Variants in ZNF638 observed in about 807,000 individuals in gnomAD.
ZNF638 encodes the protein zinc finger protein 638, also known as CTCL tumor antigen se33-1.
A neutral mutation model predicts 195.6 loss-of-function variants in ZNF638; 46 were observed. The observed-to-expected ratio is 0.24, with a 90% CI of 0.19 to 0.30. ZNF638 has a LOEUF of 0.30. ZNF638 is among the 10% of genes least tolerant of loss of function. The pLI is 1.00. For synonymous variants in ZNF638, 845 were observed against 772.0 expected (o/e 1.09, Z -1.57); for missense variants, 2,440 against 2,325.3 (o/e 1.05, Z -1.01).
In ZNF638 at chr2:71,362,313, C is replaced by T. The variant is rs1306673824; in HGVS notation, c.1380-840C>T. 3.9e-5 allele frequency among the ~76,000 whole-genome samples: 6 copies of T among 152,218 alleles called. No homozygotes were observed. In the East Asian group the frequency reaches 5.8e-4, roughly 15 times the overall value. ...AGTCTCACTCTTAGGGCTATAATTGCGGCTTCTACATGCCTGATTTCTAAA... is the reference window on the plus strand; with the variant it reads ...AGTCTCACTCTTAGGGCTATAATTGTGGCTTCTACATGCCTGATTTCTAAA... On this transcript the variant is annotated intron_variant, in intron 3 of 27. Coordinates refer to ENST00000264447, the MANE Select transcript of ZNF638 (RefSeq NM_014497.5).
chr2:71,332,928 T>C (rs563251436), intron 1 of ZNF638: 1 of 152,336 alleles, frequency 6.6e-6, no homozygotes, highest in Non-Finnish European at 1.5e-5. Flanking sequence ...AAGTACTTTT[T>C]CCAACGAGCT....
In ZNF638 at chr2:71,402,069, T is replaced by G. The variant is rs1268433198; in HGVS notation, c.2811T>G (p.Ile937Met). The change falls in exon 16 of 28, where the codon ATT (isoleucine) becomes ATG (methionine). Residue 937 changes from isoleucine (I) to methionine (M), a missense_variant. Transcript: ENST00000264447. The part of the protein sequence containing the change: ...KPFGGLKDIL[I>M]LSSHKKAYIE... ...TTGGTGGTTTAAAGGATATCTTGAT[T>G]TTATCATCTCATAAAAAGGTAAGAG... The G allele has an allele frequency of 6.2e-7, 1 of 1,606,328 alleles. No homozygotes were observed. Among genetic ancestry groups the G allele is most frequent in the Non-Finnish European group, 8.5e-7 (1 of 1,176,186 alleles).
intron 3 of ZNF638, among the ~76,000 whole-genome samples, chr2:71,356,184 T>C (rs1249643141): frequency 1.3e-5 from 2 of 152,220 alleles, no homozygotes; most frequent in African/African-American, 2.4e-5. Context: ...CTTCTCTGAC[T>C]TAGAACCAGT....
At chr2:71,402,450 T>C (rs1412115674) in intron 16 of ZNF638, among the ~76,000 whole-genome samples, 1 of 152,146 alleles carries the variant, frequency 6.6e-6, no homozygotes, top group African/African-American at 2.4e-5. Context: ...TACATAAGTA[T>C]ATATATGAGA....
chr2:71,408,021 C>T, intron 19 of ZNF638, 101 bp from the exon 20 acceptor site: 1 of 1,084,626 alleles, frequency 9.2e-7, no homozygotes. Flanking sequence ...GCTTTCATTC[C>T]TTTTAGGTGT....
chr2:71,405,757 A>T, intron 18 of ZNF638, 115 bp downstream of exon 18: 1 of 762,584 alleles, frequency 1.3e-6, no homozygotes, highest in Non-Finnish European at 2.1e-6. Flanking sequence ...TATTGAGGTG[A>T]TGGAGATGTC....
Position 71,349,642 on chromosome 2 carries a change from G to A in ZNF638, c.688G>A (p.Asp230Asn), listed in dbSNP as rs1361222831. Residue 230 changes from aspartate to asparagine, a missense_variant, in exon 2 of 28, where the codon GAT (aspartate) becomes AAT (asparagine). Physicochemically the swap from Asp to Asn is conservative, Grantham distance 23 (BLOSUM62 1). Transcript: ENST00000264447. Reference sequence around the variant, plus strand: ...AGATCCACTTGAAGTACGTATTTATGATCCTGAAATTCCAACTGATGAGGT... The same window carrying A: ...AGATCCACTTGAAGTACGTATTTATAATCCTGAAATTCCAACTGATGAGGT... Reference protein sequence around the residue: ...TEDPLEVRIYDPEIPTDEVEN... With the variant: ...TEDPLEVRIYNPEIPTDEVEN... 1 of 1,614,210 alleles carries A rather than the reference G, an allele frequency of 6.2e-7. No individual in the cohort carries two copies. The highest frequency in any genetic ancestry group is 1.1e-5 in the South Asian group (1 of 91,080).
Position 71,423,912 on chromosome 2 carries a change from A to G in ZNF638, c.4398A>G (p.Gly1466=). ...FKPTQSSLTR[G]GSGRISALQG... The stretch of plus-strand genomic sequence containing the variant: ...CTACTCAGAGCAGTCTTACCAGAGG[A>G]GGCAGTGGAAGGATCTCAGCCCTGC... Residue 1466 remains glycine, a synonymous_variant, in exon 22 of 28, where the codon GGA becomes GGG. Coordinates refer to ENST00000264447, the MANE Select transcript of ZNF638 (RefSeq NM_014497.5). 1.2e-6 allele frequency: 2 copies of G among 1,614,020 alleles called. No individual in the cohort carries two copies. Among genetic ancestry groups the G allele is most frequent in the South Asian group, 1.1e-5 (1 of 91,082 alleles).
rs1038503966 is a variant in ZNF638 at position 71,342,369 on chromosome 2, C to T, written c.-202-6384C>T. Among the ~76,000 whole-genome samples the T allele has an allele frequency of 2.0e-5, 3 of 151,974 alleles. No individual in the cohort carries two copies. The East Asian group carries it at 5.8e-4, about 29-fold the overall frequency. On this transcript the variant is annotated intron_variant, in intron 1 of 27. Coordinates refer to ENST00000264447, the MANE Select transcript of ZNF638 (RefSeq NM_014497.5). ...TACGTGTCTTGCTTCATCAAATTCCCTTCATCTACCACCACCACCGCCCCT... is the reference window on the plus strand; with the variant it reads ...TACGTGTCTTGCTTCATCAAATTCCTTTCATCTACCACCACCACCGCCCCT...
chr2:71,334,836 G>A (rs549388007), intron 1 of ZNF638, among the ~76,000 whole-genome samples: 53 of 152,076 alleles, frequency 3.5e-4, no homozygotes, highest in African/African-American at 1.3e-3. Flanking sequence ...CAGGAGAATG[G>A]CGTGAACCCG....
At chr2:71,424,490 T>G (rs1456552316) in intron 22 of ZNF638, among the ~76,000 whole-genome samples, 160 bp from the exon 23 acceptor site, 6 of 152,180 alleles carry the variant, frequency 3.9e-5, no homozygotes, top group African/African-American at 1.2e-4. Flanking sequence ...TACTGTTTAG[T>G]GACTGTTGAC....
intron 11 of ZNF638, among the ~76,000 whole-genome samples, chr2:71,396,599 A>G (rs1573115250): frequency 6.6e-6 from 1 of 152,268 alleles, no homozygotes; most frequent in Middle Eastern, 3.4e-3. Flanking sequence ...GTTCTGCTAA[A>G]TCCTGATTAA....
chr2:71,369,643 G>T (rs1189089306), intron 7 of ZNF638, among the ~76,000 whole-genome samples: 1 of 152,206 alleles, frequency 6.6e-6, no homozygotes, highest in Middle Eastern at 3.4e-3. Context: ...CCATGAGCCT[G>T]CCTGGATTTT....
At chr2:71,434,610 A>G in intron 27 of ZNF638, 132 bp from the exon 28 acceptor site, 2 of 709,788 alleles carry the variant, frequency 2.8e-6, no homozygotes, top group Non-Finnish European at 4.6e-6. Context: ...AGAAATGGTT[A>G]TATAAGGCAC....
At chr2:71,388,988 C>G (rs1180902356) in intron 10 of ZNF638, among the ~76,000 whole-genome samples, 2 of 152,110 alleles carry the variant, frequency 1.3e-5, no homozygotes, top group South Asian at 2.1e-4. Context: ...TTAAACAATA[C>G]CATAAACAAG....
Position 71,363,658 on chromosome 2 carries a change from A to G in ZNF638, c.1419-296A>G. ...ACATAATTTAATACTTTAAAAACATAATTGGAATAATGTTGGTACAGGAAA... is the reference window on the plus strand; with the variant it reads ...ACATAATTTAATACTTTAAAAACATGATTGGAATAATGTTGGTACAGGAAA... On this transcript the variant is annotated intron_variant, in intron 4 of 27. Coordinates refer to ENST00000264447, the MANE Select transcript of ZNF638 (RefSeq NM_014497.5). 1.3e-5 allele frequency among the ~76,000 whole-genome samples: 2 copies of G among 152,214 alleles called. 1 individual carries two copies. Among genetic ancestry groups the G allele is most frequent in the Non-Finnish European group, 2.9e-5 (2 of 68,024 alleles).
At chr2:71,418,352 T>C (rs1485216287) in intron 20 of ZNF638, 1 of 299,916 alleles carries the variant, frequency 3.3e-6, no homozygotes, top group Non-Finnish European at 6.0e-6. Context: ...AAGTTTCTTA[T>C]TTATATCATT....
intron 1 of ZNF638, among the ~76,000 whole-genome samples, chr2:71,335,621 A>G (rs764863017): frequency 6.6e-6 from 1 of 152,210 alleles, no homozygotes; most frequent in African/African-American, 2.4e-5. Flanking sequence ...TAATTCATTC[A>G]TGTGCCTGTC....
chr2:71,424,587 T>C (rs570871961), intron 22 of ZNF638, 63 bp from the exon 23 acceptor site: 153 of 1,388,906 alleles, frequency 1.1e-4, no homozygotes, highest in South Asian at 4.0e-4. Context: ...TGTTTTTTTT[T>C]CCAGAACATT....
Sources: allele counts gnomAD v4.1 joint callset (sites outside exome capture counted in the v4.1 genomes callset), GRCh38; gene constraint gnomAD v4.1.1; transcripts MANE v1.5; gene names NCBI Gene and HGNC (gene_info 2026-07-23, HGNC 2026-07-21).